The following PLA2G4A variants were observed in gnomAD, a reference collection of about 807,000 sequenced individuals.
PLA2G4A encodes phospholipase A2 group IVA.
A neutral mutation model predicts 81.9 loss-of-function variants in PLA2G4A; 40 were observed. The observed-to-expected ratio is 0.49, with a 90% CI of 0.38 to 0.64. The LOEUF (loss-of-function observed/expected upper bound fraction) is 0.64, where lower values mean the gene tolerates loss of function less well. Among genes scored for constraint, PLA2G4A ranks in the 30% least tolerant of loss-of-function variants. The pLI is 0.00. For synonymous variants in PLA2G4A, 302 were observed against 296.9 expected (o/e 1.02, Z -0.18); for missense variants, 715 against 905.1 (o/e 0.79, Z 2.69).
intron 3 of PLA2G4A, among the ~76,000 whole-genome samples, chr1:186,877,705 C>CAAAAAAAAAAAAAAAAAAA (rs58954006): frequency 2.3e-5 from 2 of 86,914 alleles, no homozygotes; most frequent in South Asian, 5.1e-4. Flanking sequence ...GGCTTACTCA[C>CAAAAAAAAAAAAAAAAAAA]AAAAAAAAAA....
At position 186,840,619 on chromosome 1, in the gene PLA2G4A, A is replaced by T. The variant is rs1651947425; in HGVS notation, c.-70+11584A>T. On this transcript the variant is annotated intron_variant, in intron 1 of 17. Coordinates refer to ENST00000367466, the MANE Select transcript of PLA2G4A (RefSeq NM_024420.3). ...GTAATTCCATATTTTAAACTGTCAG[A>T]TCAATCTCACCGGCTGCCTGAAATA... 2.0e-5 allele frequency among the ~76,000 whole-genome samples: 3 copies of T among 152,210 alleles called. 1 individual carries two copies. In the South Asian group the frequency reaches 6.2e-4, roughly 31 times the overall value.
At chr1:186,944,625 T>C (rs751798715) in intron 10 of PLA2G4A, among the ~76,000 whole-genome samples, 1 of 152,190 alleles carries the variant, frequency 6.6e-6, no homozygotes, top group Non-Finnish European at 1.5e-5. Flanking sequence ...TACAATGTTA[T>C]CAAAATTGTG....
chr1:186,939,913 T>C, intron 9 of PLA2G4A, 67 bp from the exon 10 acceptor site: 1 of 796,748 alleles, frequency 1.3e-6, no homozygotes, highest in South Asian at 1.4e-5. Context: ...AAGTACTATT[T>C]TGAATAGCAT....
In PLA2G4A at chr1:186,847,357, C is replaced by CGTGTGTGTGT. The variant is rs34724808; in HGVS notation, c.-69-6908_-69-6899dup. ...CTTTCTTTTGTGCTATTATTTCATACGTGTGTGTGTGTGTGTGTGTGTGTG... is the reference window on the plus strand; with the variant it reads ...CTTTCTTTTGTGCTATTATTTCATACGTGTGTGTGTGTGTGTGTGTGTGTGTGTGTGTGTG... On this transcript the variant is annotated intron_variant, in intron 1 of 17. Transcript: ENST00000367466. Among the ~76,000 whole-genome samples the CGTGTGTGTGT allele has an allele frequency of 4.2e-4, 62 of 146,292 alleles. No individual in the cohort carries two copies. The East Asian group carries it at 4.4e-3, about 10-fold the overall frequency.
chr1:186,948,243 C>T (rs1656410213), intron 12 of PLA2G4A, among the ~76,000 whole-genome samples: 1 of 151,948 alleles, frequency 6.6e-6, no homozygotes, highest in African/African-American at 2.4e-5. Flanking sequence ...AAAATAAAAA[C>T]AAACACACAA....
At chr1:186,977,056 C>T (rs1657559860) in intron 15 of PLA2G4A, among the ~76,000 whole-genome samples, 1 of 152,160 alleles carries the variant, frequency 6.6e-6, no homozygotes, top group African/African-American at 2.4e-5. Flanking sequence ...AATAGCAATG[C>T]TCTGAGGCCA....
intron 2 of PLA2G4A, among the ~76,000 whole-genome samples, chr1:186,857,692 G>A (rs1157952351): frequency 6.6e-6 from 1 of 151,096 alleles, no homozygotes; most frequent in Admixed American, 6.7e-5. Context: ...ATGGTGGTTT[G>A]CTGCACCTAT....
chr1:186,872,470 A>T (rs934028197), intron 3 of PLA2G4A, among the ~76,000 whole-genome samples: 5 of 152,100 alleles, frequency 3.3e-5, no homozygotes, highest in Admixed American at 3.3e-4. Flanking sequence ...TTTGACTTTC[A>T]AAAATACAGC....
At chr1:186,939,302 TAA>T in intron 9 of PLA2G4A, 72 bp downstream of exon 9, 1 of 645,002 alleles carries the variant, frequency 1.6e-6, no homozygotes, top group Non-Finnish European at 2.6e-6. Context: ...ATATTTTAAA[TAA>T]AAGAAAATGT....
chr1:186,862,625 T>C (rs544318648), intron 2 of PLA2G4A, among the ~76,000 whole-genome samples: 1 of 152,344 alleles, frequency 6.6e-6, no homozygotes, highest in East Asian at 1.9e-4. Flanking sequence ...CATATCCATA[T>C]TTTCAAGTGT....
chr1:186,957,818 A>C (rs1656808382), intron 14 of PLA2G4A, among the ~76,000 whole-genome samples: 1 of 152,164 alleles, frequency 6.6e-6, no homozygotes, highest in Non-Finnish European at 1.5e-5. Flanking sequence ...AATATACAAT[A>C]ATTTTTTGGT....
intron 3 of PLA2G4A, 133 bp from the exon 4 acceptor site, chr1:186,892,878 T>C: frequency 2.8e-6 from 2 of 706,186 alleles, no homozygotes; most frequent in South Asian, 1.6e-5. Context: ...TATGTGTATA[T>C]TATCTTGTCT....
At chr1:186,914,914 G>A (rs1054260840) in intron 7 of PLA2G4A, among the ~76,000 whole-genome samples, 1 of 152,100 alleles carries the variant, frequency 6.6e-6, no homozygotes, top group Non-Finnish European at 1.5e-5. Context: ...CTTGCAAGAC[G>A]GATCAATAGT....
chr1:186,903,324 A>C lies in PLA2G4A; in HGVS notation c.379-3641A>C, dbSNP rs373593309. Among the ~76,000 whole-genome samples, 6 of 152,318 alleles carry C rather than the reference A, an allele frequency of 3.9e-5. No homozygotes were observed. In the East Asian group the frequency reaches 7.7e-4, roughly 20 times the overall value. ...AAATGTTGTAAATATTGGAGTACAT[A>C]AGGGAAGTCATAGCATATTTGAAGA... On this transcript the variant is annotated intron_variant, in intron 5 of 17. Coordinates refer to ENST00000367466, the MANE Select transcript of PLA2G4A (RefSeq NM_024420.3).
At chr1:186,965,915 C>T (rs1258208002) in intron 15 of PLA2G4A, among the ~76,000 whole-genome samples, 1 of 151,910 alleles carries the variant, frequency 6.6e-6, no homozygotes, top group African/African-American at 2.4e-5. Context: ...GGAGAGGGTA[C>T]ACCCTGAGAA....
chr1:186,838,784 A>T (rs1651877725), intron 1 of PLA2G4A, among the ~76,000 whole-genome samples: 1 of 152,164 alleles, frequency 6.6e-6, no homozygotes, highest in African/African-American at 2.4e-5. Context: ...TCCCTAAGAT[A>T]AGGGTTTATA....
chr1:186,909,119 G>T (rs1262095381), intron 6 of PLA2G4A, among the ~76,000 whole-genome samples: 1 of 150,264 alleles, frequency 6.7e-6, no homozygotes, highest in Non-Finnish European at 1.5e-5. Flanking sequence ...GACTACAGGC[G>T]CCAGCCACCA....
chr1:186,884,508 T>C (rs1484484553), intron 3 of PLA2G4A, among the ~76,000 whole-genome samples: 3 of 152,090 alleles, frequency 2.0e-5, no homozygotes, highest in Non-Finnish European at 4.4e-5. Flanking sequence ...ACATATTAAA[T>C]TAATTTTTTT....
intron 5 of PLA2G4A, among the ~76,000 whole-genome samples, chr1:186,906,031 T>C (rs1453198304): frequency 6.6e-6 from 1 of 152,216 alleles, no homozygotes; most frequent in Non-Finnish European, 1.5e-5. Flanking sequence ...CTCTGCACAT[T>C]TCAAGAGGTA....
Sources: gnomAD v4.1 joint callset for allele counts (sites outside exome capture counted in the v4.1 genomes callset) on GRCh38, gnomAD v4.1.1 for gene constraint, MANE v1.5 for transcripts, NCBI Gene and HGNC (gene_info 2026-07-23, HGNC 2026-07-21) for gene names.